PTGER3: variants seen among roughly 807,000 people sequenced by gnomAD.
PTGER3 encodes the protein prostaglandin E2 receptor EP3 subtype.
Under a neutral mutation model 34.7 loss-of-function variants are expected in PTGER3, and 22 were observed. The ratio of observed to expected loss-of-function variants is 0.63; its 90% CI spans 0.45 to 0.91. PTGER3 has a LOEUF of 0.91. Ranked by LOEUF, PTGER3 falls within the 40% of genes least tolerant of loss-of-function variation. The pLI is 0.00. For missense variants in PTGER3, 468 were observed against 519.4 expected (o/e 0.90, Z 0.96); for synonymous variants, 241 against 230.1 (o/e 1.05, Z -0.43).
At chr1:70,989,481 T>A (rs904556681) in intron 2 of PTGER3, among the ~76,000 whole-genome samples, 1 of 152,208 alleles carries the variant, frequency 6.6e-6, no homozygotes, top group South Asian at 2.1e-4. Context: ...TTCATGGTTC[T>A]GCAGGATAAT....
intron 2 of PTGER3, among the ~76,000 whole-genome samples, chr1:70,955,717 TAATATCACTAGA>T: frequency 6.6e-6 from 1 of 152,316 alleles, no homozygotes; most frequent in African/African-American, 2.4e-5. Context: ...ACACTTCTGA[TAATATCACTAGA>T]AATTGGTCAT....
chr1:70,894,697 GT>G (rs1246166424), intron 4 of PTGER3, among the ~76,000 whole-genome samples: 5 of 152,150 alleles, frequency 3.3e-5, no homozygotes, highest in African/African-American at 1.2e-4. Flanking sequence ...TTAGTTTACT[GT>G]TTGCTTCTTG....
At chr1:70,945,348 A>T (rs1650127818) in intron 4 of PTGER3, among the ~76,000 whole-genome samples, 1 of 152,072 alleles carries the variant, frequency 6.6e-6, no homozygotes, top group Admixed American at 6.6e-5. Flanking sequence ...TCTCATTTAG[A>T]ACTGTCATTC....
At chr1:71,019,153 A>G (rs1557746593) in intron 1 of PTGER3, among the ~76,000 whole-genome samples, 1 of 152,210 alleles carries the variant, frequency 6.6e-6, no homozygotes, top group Non-Finnish European at 1.5e-5. Flanking sequence ...ACTTTGAGAG[A>G]AAACCTTAGG....
At chr1:71,040,327 C>T (rs1000782732) in intron 1 of PTGER3, among the ~76,000 whole-genome samples, 3 of 151,996 alleles carry the variant, frequency 2.0e-5, no homozygotes, top group East Asian at 3.9e-4. Context: ...AAGGCCAGCG[C>T]GGTGGCTCGT....
chr1:70,947,300 T>TG (rs1436252036), intron 4 of PTGER3: 1 of 152,106 alleles, frequency 6.6e-6, no homozygotes, highest in Non-Finnish European at 1.5e-5. Flanking sequence ...AAATGAATCA[T>TG]GGGGGCCGGT....
chr1:70,936,116 A>G (rs1263331842), intron 4 of PTGER3, among the ~76,000 whole-genome samples: 3 of 152,204 alleles, frequency 2.0e-5, no homozygotes, highest in Non-Finnish European at 2.9e-5. Context: ...AACTCTAGAT[A>G]ATATGAGCTC....
chr1:71,029,239 T>C (rs1306943541), intron 1 of PTGER3, among the ~76,000 whole-genome samples: 1 of 152,212 alleles, frequency 6.6e-6, no homozygotes, highest in Non-Finnish European at 1.5e-5. Flanking sequence ...CGTGATTTCT[T>C]TGGGCCAGGA....
Position 70,856,329 on chromosome 1 carries a change from A to G in PTGER3, c.*24-3470T>C, listed in dbSNP as rs562283700. Among the ~76,000 whole-genome samples, 21 of 151,932 alleles carry G rather than the reference A, an allele frequency of 1.4e-4. No homozygotes were observed. The East Asian group carries it at 3.5e-3, about 25-fold the overall frequency. On this transcript the variant is annotated intron_variant, in intron 4 of 4. Coordinates refer to the PTGER3 transcript ENST00000370931. ...GTGGCAGGGGCCTGTAATCCCAGCT[A>G]CTTGGGAGGCTGAGGCAAGAGAATC...
At chr1:71,000,445 G>A (rs1027461013) in intron 2 of PTGER3, among the ~76,000 whole-genome samples, 2 of 152,184 alleles carry the variant, frequency 1.3e-5, no homozygotes, top group African/African-American at 4.8e-5. Flanking sequence ...AACGTTGTTA[G>A]TGTTCATGTG....
intron 4 of PTGER3, chr1:70,862,181 C>T: frequency 2.2e-6 from 1 of 454,170 alleles, no homozygotes; most frequent in Non-Finnish European, 3.4e-6. Flanking sequence ...AAATTAGCAC[C>T]TCTTTTTTTC....
At chr1:71,024,871 T>C (rs1658761816) in intron 1 of PTGER3, among the ~76,000 whole-genome samples, 2 of 134,508 alleles carry the variant, frequency 1.5e-5, no homozygotes, top group South Asian at 5.1e-4. Context: ...AATACTTGAT[T>C]CTTTTATTTA....
rs1195799546 is a variant in PTGER3, at chr1:70,971,256, CGTT to C, written c.*471_*473del. 12 of 985,542 alleles carry C rather than the reference CGTT, an allele frequency of 1.2e-5. No individual in the cohort carries two copies. In the African/African-American group the frequency reaches 1.2e-4, roughly 10 times the overall value. The allele number at this position is 985,542 out of a possible 1,614,324, so 61.0% of individuals were successfully genotyped here. A position where few individuals can be genotyped will look rare whatever the true frequency, so the allele number is the denominator to read the frequency against. On this transcript the variant is annotated 3_prime_UTR_variant, in exon 4 of 4. Transcript: ENST00000306666. ...CCTGCCCTCATTTGCTTTTATATGT[CGTT>C]AAGTTCATATCCTATTAATTGAATT...
intron 4 of PTGER3, among the ~76,000 whole-genome samples, chr1:70,897,894 G>A (rs1194411897): frequency 1.3e-5 from 2 of 152,052 alleles, no homozygotes; most frequent in African/African-American, 4.8e-5. Context: ...CAAAGAAAAA[G>A]GCTGCATTTC....
chr1:70,856,537 A>G (rs935484796), intron 4 of PTGER3, among the ~76,000 whole-genome samples: 2 of 152,192 alleles, frequency 1.3e-5, no homozygotes, highest in Non-Finnish European at 2.9e-5. Flanking sequence ...TGATGATCAA[A>G]AACCTAACTA....
chr1:71,031,329 A>G (rs909317372), intron 1 of PTGER3, among the ~76,000 whole-genome samples: 1 of 152,038 alleles, frequency 6.6e-6, no homozygotes, highest in Non-Finnish European at 1.5e-5. Context: ...AAAGTATGTT[A>G]CTATTATAAT....
chr1:70,863,253 A>G (rs1319358530), intron 4 of PTGER3, among the ~76,000 whole-genome samples: 1 of 152,038 alleles, frequency 6.6e-6, no homozygotes, highest in Non-Finnish European at 1.5e-5. Flanking sequence ...ACAATTAGCA[A>G]CTTCAGTTCA....
intron 2 of PTGER3, chr1:71,007,126 T>G: frequency 1.0e-6 from 1 of 985,380 alleles, no homozygotes; most frequent in Non-Finnish European, 1.2e-6. Context: ...TATATAGAGA[T>G]GGATGCTGAG....
chr1:70,935,672 A>AATATATATATATATATATATATATATAT (rs10577850), intron 4 of PTGER3, among the ~76,000 whole-genome samples: 11 of 140,206 alleles, frequency 7.8e-5, no homozygotes, highest in African/African-American at 2.5e-4. Context: ...TACAAATATA[A>AATATATATATATATATATATATATATAT]ATATATATAT....
Sources: gnomAD v4.1 joint callset for allele counts (sites outside exome capture counted in the v4.1 genomes callset) on GRCh38, gnomAD v4.1.1 for gene constraint, MANE v1.5 for transcripts, NCBI Gene and HGNC (gene_info 2026-07-23, HGNC 2026-07-21) for gene names.